FAM163A: variants seen among roughly 807,000 people sequenced by gnomAD.
The protein encoded by FAM163A is protein FAM163A.
Under a neutral mutation model 12.0 loss-of-function variants are expected in FAM163A, and 7 were observed. The ratio of observed to expected loss-of-function variants is 0.58; its 90% CI spans 0.33 to 1.10. The LOEUF (loss-of-function observed/expected upper bound fraction) is 1.10, where lower values mean the gene tolerates loss of function less well. Ranked by LOEUF, FAM163A falls within the 50% of genes least tolerant of loss-of-function variation. FAM163A has a pLI of 0.03. For synonymous variants in FAM163A, 101 were observed against 91.0 expected (o/e 1.11, Z -0.62); for missense variants, 202 against 218.6 (o/e 0.92, Z 0.48).
At chr1:179,782,102 G>A (rs778981734) in intron 1 of FAM163A, among the ~76,000 whole-genome samples, 21 of 152,144 alleles carry the variant, frequency 1.4e-4, no homozygotes, top group Non-Finnish European at 2.9e-4. Flanking sequence ...CTTTGCAGCT[G>A]GCAGACAGCC....
intron 1 of FAM163A, among the ~76,000 whole-genome samples, chr1:179,762,137 G>C (rs11577513): frequency 2.0e-5 from 3 of 151,972 alleles, no homozygotes; most frequent in Non-Finnish European, 4.4e-5. Context: ...TGGATGAATG[G>C]ACAAAAGAAA....
upstream of FAM163A, among the ~76,000 whole-genome samples, chr1:179,739,011 C>A (rs1037901327): frequency 1.3e-5 from 2 of 152,046 alleles, no homozygotes; most frequent in Non-Finnish European, 2.9e-5. Flanking sequence ...CAAAAATAAA[C>A]CCACACAACT....
At chr1:179,809,062 G>A (rs778648701) in intron 2 of FAM163A, among the ~76,000 whole-genome samples, 1 of 152,038 alleles carries the variant, frequency 6.6e-6, no homozygotes, top group African/African-American at 2.4e-5. Flanking sequence ...AGCCGAGATT[G>A]CAGCACTACA....
At chr1:179,753,711 T>C (rs553790604) in intron 1 of FAM163A, among the ~76,000 whole-genome samples, 2 of 151,992 alleles carry the variant, frequency 1.3e-5, no homozygotes, top group Admixed American at 1.3e-4. Context: ...AAGAAGGAAG[T>C]TGAAATGTAA....
At chr1:179,790,218 CTTT>C (rs1168192716) in intron 1 of FAM163A, among the ~76,000 whole-genome samples, 1,563 of 91,634 alleles carry the variant, frequency 0.017, 23 homozygotes, top group African/African-American at 0.065. Context: ...AGCTGACTTC[CTTT>C]TTTTTTTTTT....
intron 1 of FAM163A, among the ~76,000 whole-genome samples, chr1:179,773,236 A>G (rs554024354): frequency 6.6e-6 from 1 of 152,196 alleles, no homozygotes; most frequent in East Asian, 1.9e-4. Context: ...TGTGGCTACC[A>G]AAGGATAGCA....
At chr1:179,785,460 G>T (rs764254838) in intron 1 of FAM163A, among the ~76,000 whole-genome samples, 2 of 152,160 alleles carry the variant, frequency 1.3e-5, no homozygotes, top group Non-Finnish European at 2.9e-5. Flanking sequence ...TCTGTAGCCT[G>T]CTCTCTTGGG....
chr1:179,743,615 G>A (rs1419271663), intron 1 of FAM163A, among the ~76,000 whole-genome samples, 192 bp downstream of exon 1: 1 of 152,160 alleles, frequency 6.6e-6, no homozygotes, highest in Non-Finnish European at 1.5e-5. Flanking sequence ...CGCCTTCAGC[G>A]TAGCAGTTCC....
At chr1:179,757,590 T>A (rs772134145) in intron 1 of FAM163A, among the ~76,000 whole-genome samples, 14 of 152,154 alleles carry the variant, frequency 9.2e-5, no homozygotes, top group Non-Finnish European at 1.5e-5. Flanking sequence ...GGTGGGTGGA[T>A]CTCTTGAGCC....
chr1:179,792,283 TTGTGTGTG>T (rs3075152), intron 1 of FAM163A, among the ~76,000 whole-genome samples: 1,683 of 133,636 alleles, frequency 0.013, 8 homozygotes, highest in Middle Eastern at 0.019. Context: ...CCATATCTGA[TTGTGTGTG>T]TGTGTGTGTG....
chr1:179,788,779 G>T (rs1044483600), intron 1 of FAM163A, among the ~76,000 whole-genome samples: 1 of 152,194 alleles, frequency 6.6e-6, no homozygotes, highest in Non-Finnish European at 1.5e-5. Context: ...TCACAAAAAG[G>T]GGGCTCAAGA....
intron 1 of FAM163A, among the ~76,000 whole-genome samples, chr1:179,794,088 C>T: frequency 6.6e-6 from 1 of 152,226 alleles, no homozygotes; most frequent in African/African-American, 2.4e-5. Context: ...AGGACTTGCA[C>T]AGGGCAGCGG....
chr1:179,795,116 G>C (rs1387199538), intron 1 of FAM163A, among the ~76,000 whole-genome samples: 1 of 152,174 alleles, frequency 6.6e-6, no homozygotes, highest in Admixed American at 6.6e-5. Flanking sequence ...TTACTGAAAA[G>C]CAAGGATTAA....
chr1:179,728,635 G>A, the FAM163A span, among the ~76,000 whole-genome samples: 3 of 152,144 alleles, frequency 2.0e-5, no homozygotes, highest in Admixed American at 1.3e-4. Flanking sequence ...TGATGTTTGT[G>A]GGTTTGTGAT....
In FAM163A at chr1:179,781,272, G is replaced by T. The variant is rs1297417990; in HGVS notation, c.-135-26526G>T. ...TGATTATCCTAAGAACTACTGAATTGTACACTTTCAGATGGTGACAGTGTG... is the reference window on the plus strand; with the variant it reads ...TGATTATCCTAAGAACTACTGAATTTTACACTTTCAGATGGTGACAGTGTG... On this transcript the variant is annotated intron_variant, in intron 1 of 4. Coordinates refer to ENST00000341785, the MANE Select transcript of FAM163A (RefSeq NM_173509.3). 2.0e-5 allele frequency among the ~76,000 whole-genome samples: 3 copies of T among 152,134 alleles called. No individual in the cohort carries two copies. The East Asian group carries it at 5.8e-4, about 29-fold the overall frequency.
chr1:179,802,318 C>T (rs1010277422), intron 1 of FAM163A, among the ~76,000 whole-genome samples: 9 of 152,154 alleles, frequency 5.9e-5, no homozygotes, highest in Non-Finnish European at 1.2e-4. Flanking sequence ...GCCTCTCATG[C>T]TTGGTTGTTT....
At position 179,813,165 on chromosome 1, in the gene FAM163A, C is replaced by G; in HGVS notation, c.68C>G (p.Ala23Gly). 6.4e-7 allele frequency: 1 copy of G among 1,551,914 alleles called. No homozygotes were observed. ...ACGGTGATCCTCCTCTGCATCATTGCCGTCCTGTGCTACTGCAGGCTCCAG... is the reference window on the plus strand; with the variant it reads ...ACGGTGATCCTCCTCTGCATCATTGGCGTCCTGTGCTACTGCAGGCTCCAG... ...LATVILLCII[A>G]VLCYCRLQYY... The change falls in exon 4 of 5, where the codon GCC becomes GGC. Residue 23 changes from alanine (A) to glycine (G), a missense_variant. By Grantham distance (60) the Ala-to-Gly change is moderately conservative (BLOSUM62 0). Coordinates refer to ENST00000341785, the MANE Select transcript of FAM163A (RefSeq NM_173509.3).
intron 1 of FAM163A, among the ~76,000 whole-genome samples, chr1:179,758,051 A>G (rs1686278361): frequency 6.6e-6 from 1 of 152,256 alleles, no homozygotes; most frequent in African/African-American, 2.4e-5. Flanking sequence ...CAGAAAATCC[A>G]TGGGAACAAG....
the FAM163A span, among the ~76,000 whole-genome samples, chr1:179,734,330 C>T: frequency 4.6e-5 from 7 of 152,322 alleles, no homozygotes; most frequent in African/African-American, 1.4e-4. Context: ...ATTGACTAAA[C>T]AGTACTTGAC....
Sources: gnomAD v4.1 joint callset for allele counts (sites outside exome capture counted in the v4.1 genomes callset) on GRCh38, gnomAD v4.1.1 for gene constraint, MANE v1.5 for transcripts, NCBI Gene and HGNC (gene_info 2026-07-23, HGNC 2026-07-21) for gene names.